The following DNAAF11 variants were observed in gnomAD, a reference collection of about 807,000 sequenced individuals.
DNAAF11 encodes the protein dynein axonemal assembly factor 11, also known as leucine rich repeat containing 6.
A neutral mutation model predicts 60.8 loss-of-function variants in DNAAF11; 45 were observed. The observed-to-expected ratio is 0.74, with a 90% CI of 0.58 to 0.95. DNAAF11 has a LOEUF of 0.95. Ranked by LOEUF, DNAAF11 falls within the 40% of genes least tolerant of loss-of-function variation. DNAAF11 has a pLI of 0.00. For missense variants in DNAAF11, 546 were observed against 546.2 expected, an observed-to-expected ratio of 1.00 and a Z score of 0.00; for synonymous variants, 191 against 183.5, an observed-to-expected ratio of 1.04 and a Z score of -0.33.
At chr8:132,691,945 A>T in the DNAAF11 span, among the ~76,000 whole-genome samples, 1 of 152,194 alleles carries the variant, frequency 6.6e-6, no homozygotes, top group Non-Finnish European at 1.5e-5. Context: ...CTCGCCTATG[A>T]TCCATATCAA....
At chr8:132,579,764 G>A (rs1815127788) in intron 11 of DNAAF11, among the ~76,000 whole-genome samples, 1 of 152,152 alleles carries the variant, frequency 6.6e-6, no homozygotes, top group Non-Finnish European at 1.5e-5. Flanking sequence ...GGAGGCTGCA[G>A]CGGGCGGATC....
At chr8:132,629,339 C>CTTT (rs202230443) in intron 5 of DNAAF11, among the ~76,000 whole-genome samples, 47 of 147,504 alleles carry the variant, frequency 3.2e-4, no homozygotes, top group African/African-American at 9.9e-4. Flanking sequence ...GATACCCATT[C>CTTT]TCTTTTTTTT....
intron 4 of DNAAF11, among the ~76,000 whole-genome samples, chr8:132,634,549 T>G (rs937758308): frequency 1.3e-5 from 2 of 152,050 alleles, no homozygotes; most frequent in Non-Finnish European, 2.9e-5. Context: ...CATACTTAAT[T>G]TGATCTAATT....
At chr8:132,652,284 G>A (rs1453135482) in intron 3 of DNAAF11, among the ~76,000 whole-genome samples, 1 of 152,176 alleles carries the variant, frequency 6.6e-6, no homozygotes, top group Admixed American at 6.5e-5. Flanking sequence ...CCTCACAACT[G>A]CAGAATAAGT....
At chr8:132,678,669 G>A (rs1825822622), upstream of DNAAF11, among the ~76,000 whole-genome samples, 1 of 151,928 alleles carries the variant, frequency 6.6e-6, no homozygotes, top group Non-Finnish European at 1.5e-5. Flanking sequence ...ACAGGTGTGA[G>A]CTACCGTGAC....
At chr8:132,639,506 G>A (rs757253891) in intron 3 of DNAAF11, among the ~76,000 whole-genome samples, 1 of 152,004 alleles carries the variant, frequency 6.6e-6, no homozygotes, top group Admixed American at 6.6e-5. Flanking sequence ...ATAGATTAAC[G>A]TCACCAATAT....
At chr8:132,595,286 T>C (rs2738436) in intron 10 of DNAAF11, among the ~76,000 whole-genome samples, 123,382 of 123,382 alleles carry the variant, frequency 1, 61,691 homozygotes, top group Non-Finnish European at 1. Flanking sequence ...TTATAGGAAT[T>C]TCCTGTGTTT....
At chr8:132,648,823 A>G (rs1332255109) in intron 3 of DNAAF11, among the ~76,000 whole-genome samples, 2 of 152,184 alleles carry the variant, frequency 1.3e-5, no homozygotes, top group African/African-American at 2.4e-5. Context: ...GGACCTCTTC[A>G]AGGAGAACTA....
chr8:132,589,476 T>A (rs1586496656), intron 10 of DNAAF11, among the ~76,000 whole-genome samples: 1 of 152,194 alleles, frequency 6.6e-6, no homozygotes, highest in Non-Finnish European at 1.5e-5. Flanking sequence ...AGACAAGGTG[T>A]GTGATGTTAA....
Position 132,674,145 on chromosome 8 carries a change from G to C in DNAAF11, c.10+1339C>G, listed in dbSNP as rs1395947653. Among the ~76,000 whole-genome samples, 272 of 116,758 alleles carry C rather than the reference G, an allele frequency of 2.3e-3. 3 individuals are homozygous for C. Among genetic ancestry groups the C allele is most frequent in the African/African-American group, 7.4e-3 (214 of 28,948 alleles). 76.6% of individuals were successfully genotyped at this position (116,758 alleles called of 152,430 possible). On this transcript the variant is annotated intron_variant, in intron 1 of 11. Transcript: ENST00000620350. ...GGAGGAGGAGGAGGAGAAGGAGGAG[G>C]AAGAGGAGGAGGAGAAGGAGAAGGA...
rs750250466 is a variant in DNAAF11, at chr8:132,656,836, A to G, written c.250T>C (p.Leu84=). 1.0e-4 allele frequency: 130 copies of G among 1,304,498 alleles called. No homozygotes were observed. Among genetic ancestry groups the G allele is most frequent in the Non-Finnish European group, 1.3e-4 (123 of 922,310 alleles). The allele number at this position is 1,304,498 out of a possible 1,614,324, so 80.8% of individuals were successfully genotyped here. A position where few individuals can be genotyped will look rare whatever the true frequency, so the allele number is the denominator to read the frequency against. Residue 84 remains leucine, a synonymous_variant, in exon 3 of 12, where the codon TTG becomes CTG. Coordinates refer to ENST00000620350, the MANE Select transcript of DNAAF11 (RefSeq NM_012472.6). ...ATAGAAGAAACAGTCTTACCTTCCA[A>G]GTTTTCTATTTTTTCAATGTTGTTT... The part of the protein sequence containing the change: ...ALNNIEKIEN[L]EGCEELAKLD...
chr8:132,591,298 A>G (rs1586503328), intron 10 of DNAAF11, among the ~76,000 whole-genome samples: 2 of 152,162 alleles, frequency 1.3e-5, no homozygotes, highest in East Asian at 3.9e-4. Flanking sequence ...TTCTAGAAAG[A>G]ACTAGATGGT....
the DNAAF11 span, among the ~76,000 whole-genome samples, chr8:132,687,919 A>C: frequency 1.3e-5 from 2 of 152,230 alleles, no homozygotes; most frequent in African/African-American, 4.8e-5. Flanking sequence ...GATACAAATC[A>C]TATAGGACAT....
chr8:132,656,662 G>T (rs1311740332), intron 3 of DNAAF11, among the ~76,000 whole-genome samples, 168 bp downstream of exon 3: 1 of 152,078 alleles, frequency 6.6e-6, no homozygotes, highest in African/African-American at 2.4e-5. Context: ...AGTAGAGACG[G>T]GGTTTAATCA....
chr8:132,635,873 G>C (rs1821242795), intron 4 of DNAAF11, among the ~76,000 whole-genome samples: 1 of 152,108 alleles, frequency 6.6e-6, no homozygotes, highest in Non-Finnish European at 1.5e-5. Flanking sequence ...GGAAGGCAGA[G>C]ACCCTCAGGG....
chr8:132,690,255 C>G, the DNAAF11 span, among the ~76,000 whole-genome samples: 1 of 152,010 alleles, frequency 6.6e-6, no homozygotes, highest in Non-Finnish European at 1.5e-5. Context: ...CCCCACATGT[C>G]GAGGAAGGGA....
At chr8:132,681,685 G>A in the DNAAF11 span, among the ~76,000 whole-genome samples, 2 of 152,214 alleles carry the variant, frequency 1.3e-5, no homozygotes, top group South Asian at 4.1e-4. Flanking sequence ...GTAATCAAGT[G>A]GAAGTAGAAA....
At chr8:132,613,659 T>A (rs1818874416) in intron 8 of DNAAF11, among the ~76,000 whole-genome samples, 1 of 152,190 alleles carries the variant, frequency 6.6e-6, no homozygotes, top group Non-Finnish European at 1.5e-5. Flanking sequence ...CATTTTGAAA[T>A]GGTTGAAATG....
At chr8:132,684,019 T>C in the DNAAF11 span, among the ~76,000 whole-genome samples, 2 of 152,232 alleles carry the variant, frequency 1.3e-5, no homozygotes, top group Admixed American at 6.5e-5. Flanking sequence ...GCCTCTTGAT[T>C]CTACCTTCTT....
Sources: gnomAD v4.1 joint callset for allele counts (sites outside exome capture counted in the v4.1 genomes callset) on GRCh38, gnomAD v4.1.1 for gene constraint, MANE v1.5 for transcripts, NCBI Gene and HGNC (gene_info 2026-07-23, HGNC 2026-07-21) for gene names.